The following RORB variants were observed in gnomAD, a reference collection of about 807,000 sequenced individuals.
RORB encodes the protein RAR related orphan receptor B, also known as nuclear receptor ROR-beta.
A neutral mutation model predicts 59.1 loss-of-function variants in RORB; 6 were observed. The observed-to-expected ratio is 0.10, with a 90% confidence interval of 0.06 to 0.20. The LOEUF (loss-of-function observed/expected upper bound fraction) is 0.20. RORB is among the 10% of genes least tolerant of loss of function. RORB has a pLI of 1.00. For missense variants in RORB, 320 were observed against 560.5 expected (o/e 0.57, Z 4.33); for synonymous variants, 215 against 204.5 (o/e 1.05, Z -0.44).
rs377746804 is a variant in RORB, at chr9:74,686,278, A to T, written c.*660A>T. The T allele has an allele frequency of 6.6e-6, 1 of 152,620 alleles. No individual in the cohort carries two copies. Among genetic ancestry groups the T allele is most frequent in the African/African-American group, 2.4e-5 (1 of 41,446 alleles). The allele number at this position is 152,620 out of a possible 1,614,324, so 9.5% of individuals were successfully genotyped here. On this transcript the variant is annotated 3_prime_UTR_variant, in exon 10 of 10. Transcript: ENST00000376896. ...TTTTGTTTTCCCAGCCAGAGTTTTCATCTATAGTCAATGGCAGGACGGTAC... is the reference window on the plus strand; with the variant it reads ...TTTTGTTTTCCCAGCCAGAGTTTTCTTCTATAGTCAATGGCAGGACGGTAC...
intron 1 of RORB, among the ~76,000 whole-genome samples, chr9:74,623,628 C>T (rs1823460274): frequency 6.6e-6 from 1 of 152,096 alleles, no homozygotes; most frequent in Non-Finnish European, 1.5e-5. Context: ...TTCTCAAACT[C>T]GAATGCTAGC....
intron 3 of RORB, among the ~76,000 whole-genome samples, chr9:74,640,714 G>A (rs376775337): frequency 2.0e-5 from 3 of 152,220 alleles, no homozygotes; most frequent in Non-Finnish European, 2.9e-5. Flanking sequence ...AAGTGAATGC[G>A]ACACTTGCAT....
At chr9:74,657,089 A>G (rs1407830989) in intron 4 of RORB, among the ~76,000 whole-genome samples, 1 of 152,160 alleles carries the variant, frequency 6.6e-6, no homozygotes, top group Non-Finnish European at 1.5e-5. Flanking sequence ...CTCTGTCACC[A>G]GGCTGCAGTG....
chr9:74,531,962 T>C (rs1826248469), intron 1 of RORB, among the ~76,000 whole-genome samples: 1 of 151,968 alleles, frequency 6.6e-6, no homozygotes, highest in Non-Finnish European at 1.5e-5. Context: ...TCAGAATTAA[T>C]GCTACGTGAT....
At position 74,685,486 on chromosome 9, in the gene RORB, C is replaced by G; in HGVS notation, c.1248C>G (p.Ile416Met). ...AGTTAATAGCCAAGATACCAACCAT[C>G]ACGGCAGTTTGCAACTTGCACGGGG... ...LAKLIAKIPT[I>M]TAVCNLHGEK... Residue 416 changes from isoleucine to methionine, a missense_variant, in exon 10 of 10, where the codon ATC (isoleucine) becomes ATG (methionine). Coordinates refer to ENST00000376896, the MANE Select transcript of RORB (RefSeq NM_006914.4). The G allele has an allele frequency of 1.2e-6, 2 of 1,612,462 alleles. No individual in the cohort carries two copies. The highest frequency in any genetic ancestry group is 1.7e-6 in the Non-Finnish European group (2 of 1,178,890).
chr9:74,670,591 G>A (rs1824330856), intron 8 of RORB, among the ~76,000 whole-genome samples: 1 of 152,200 alleles, frequency 6.6e-6, no homozygotes, highest in African/African-American at 2.4e-5. Context: ...TTCCAGTGCT[G>A]CTAGCAGACT....
At position 74,671,795 on chromosome 9, in the gene RORB, C is replaced by G; in HGVS notation, c.1118C>G (p.Ala373Gly). 2 of 1,608,234 alleles carry G rather than the reference C, an allele frequency of 1.2e-6. No individual in the cohort carries two copies. Among genetic ancestry groups the G allele is most frequent in the Non-Finnish European group, 1.7e-6 (2 of 1,175,986 alleles). ...SSAVLISPDR[A>G]WLIEPRKVQK... The stretch of plus-strand genomic sequence containing the variant: ...CCACTCTTTCTTTCATCAGACCGAG[C>G]CTGGCTTATAGAACCAAGGAAAGTC... The change falls in exon 9 of 10, where the codon GCC (alanine) becomes GGC (glycine). Residue 373 changes from alanine to glycine, a missense_variant. Transcript: ENST00000376896.
chr9:74,504,733 C>T (rs905609969), intron 1 of RORB, among the ~76,000 whole-genome samples: 3 of 151,972 alleles, frequency 2.0e-5, no homozygotes, highest in African/African-American at 7.2e-5. Flanking sequence ...TACTACCCTA[C>T]GTATTACTTT....
At chr9:74,571,915 T>A (rs1339676040) in intron 1 of RORB, among the ~76,000 whole-genome samples, 1 of 152,122 alleles carries the variant, frequency 6.6e-6, no homozygotes, top group Middle Eastern at 3.2e-3. Flanking sequence ...ACATTCCCAG[T>A]CGGTGCACAT....
chr9:74,571,914 G>C (rs546834260), intron 1 of RORB, among the ~76,000 whole-genome samples: 131 of 152,222 alleles, frequency 8.6e-4, no homozygotes, highest in Non-Finnish European at 1.7e-3. Flanking sequence ...GACATTCCCA[G>C]TCGGTGCACA....
rs146911429 is a variant in RORB, at chr9:74,521,261, T to A, written c.7+23278T>A. 8.7e-3 allele frequency among the ~76,000 whole-genome samples: 1,323 copies of A among 151,924 alleles called. 10 individuals are homozygous for A. The highest frequency in any genetic ancestry group is 0.014 in the Non-Finnish European group (923 of 67,848). ...ACAACAACAGTATCATCCAGAAAAA[T>A]AACCACATGTATATTGAATCCCTTG... On this transcript the variant is annotated intron_variant, in intron 1 of 9. Transcript: ENST00000376896.
intron 1 of RORB, among the ~76,000 whole-genome samples, chr9:74,575,845 ATAT>A (rs1822626970): frequency 6.6e-6 from 1 of 152,122 alleles, no homozygotes. Context: ...ATCAGACACA[ATAT>A]TATGAAGATC....
At chr9:74,528,933 T>C (rs1826194182) in intron 1 of RORB, among the ~76,000 whole-genome samples, 1 of 152,022 alleles carries the variant, frequency 6.6e-6, no homozygotes, top group Admixed American at 6.6e-5. Context: ...ACTCACTCAG[T>C]GAGTGTTGGA....
At chr9:74,530,551 C>G (rs980849345) in intron 1 of RORB, among the ~76,000 whole-genome samples, 10 of 151,968 alleles carry the variant, frequency 6.6e-5, no homozygotes, top group Non-Finnish European at 1.5e-4. Context: ...AGGAACTGAT[C>G]TGCAAATCAG....
chr9:74,637,501 G>A (rs1350081697), intron 3 of RORB, among the ~76,000 whole-genome samples: 2 of 152,104 alleles, frequency 1.3e-5, no homozygotes, highest in African/African-American at 4.8e-5. Context: ...TGTATAAAAA[G>A]GTGAAGACAT....
chr9:74,672,852 C>T (rs1461008053), intron 9 of RORB, among the ~76,000 whole-genome samples: 1 of 152,082 alleles, frequency 6.6e-6, no homozygotes, highest in Non-Finnish European at 1.5e-5. Flanking sequence ...AGGAATCCTA[C>T]TCTTTATATT....
chr9:74,685,456 T>A lies in RORB; in HGVS notation c.1225-7T>A. Reference sequence around the variant, plus strand: ...TCTATCTCCCTCTCTGTCTCTCCGTTCTGCAGTTAATAGCCAAGATACCAA... The same window carrying A: ...TCTATCTCCCTCTCTGTCTCTCCGTACTGCAGTTAATAGCCAAGATACCAA... On this transcript the variant is annotated splice_polypyrimidine_tract_variant and splice_region_variant and intron_variant, in intron 9 of 9. Coordinates refer to ENST00000376896, the MANE Select transcript of RORB (RefSeq NM_006914.4). 6.2e-7 allele frequency: 1 copy of A among 1,605,014 alleles called. No individual in the cohort carries two copies. Among genetic ancestry groups the A allele is most frequent in the South Asian group, 1.1e-5 (1 of 89,928 alleles).
chr9:74,595,291 G>A (rs1822954160), intron 1 of RORB, among the ~76,000 whole-genome samples: 1 of 152,180 alleles, frequency 6.6e-6, no homozygotes, highest in African/African-American at 2.4e-5. Context: ...CATTCAAGAA[G>A]CCTTCCCTGA....
chr9:74,626,990 C>T (rs1173087216), intron 1 of RORB, among the ~76,000 whole-genome samples: 4 of 151,838 alleles, frequency 2.6e-5, no homozygotes, highest in South Asian at 2.1e-4. Flanking sequence ...GGTGAAACCC[C>T]GTCTCTACTA....
Sources: gnomAD v4.1 joint callset for allele counts (sites outside exome capture counted in the v4.1 genomes callset) on GRCh38, gnomAD v4.1.1 for gene constraint, MANE v1.5 for transcripts, NCBI Gene and HGNC (gene_info 2026-07-23, HGNC 2026-07-21) for gene names.